Variants in GALNT18 observed in about 807,000 individuals in gnomAD.
GALNT18 encodes the protein polypeptide N-acetylgalactosaminyltransferase 18.
GALNT18 carries 44 observed loss-of-function variants against 69.5 expected under a neutral mutation model. That is an observed-to-expected ratio of 0.63 (90% confidence interval 0.50 to 0.81). The LOEUF is 0.81. Ranked by LOEUF, GALNT18 falls within the 40% of genes least tolerant of loss-of-function variation. The pLI is 0.00. For missense variants in GALNT18, 715 were observed against 810.0 expected, an observed-to-expected ratio of 0.88 and a Z score of 1.42; for synonymous variants, 364 against 318.2, an observed-to-expected ratio of 1.14 and a Z score of -1.53.
At chr11:11,593,709 G>A (rs1859418431) in intron 1 of GALNT18, among the ~76,000 whole-genome samples, 2 of 152,176 alleles carry the variant, frequency 1.3e-5, no homozygotes, top group South Asian at 4.1e-4. Flanking sequence ...CAGGAGAATG[G>A]CTTGAGGCCA....
In GALNT18 at chr11:11,311,406, T is replaced by A. The variant is rs1044908067; in HGVS notation, c.1512+15680A>T. Reference sequence around the variant, plus strand: ...CTGGCTTGCTGTTCATATCCTGGACTCTCCTGGGTGTGGTTTTGCAAGACC... The same window carrying A: ...CTGGCTTGCTGTTCATATCCTGGACACTCCTGGGTGTGGTTTTGCAAGACC... On this transcript the variant is annotated intron_variant, in intron 9 of 10. Transcript: ENST00000227756. Among the ~76,000 whole-genome samples the A allele has an allele frequency of 3.9e-5, 6 of 152,192 alleles. No homozygotes were observed. The East Asian group carries it at 1.2e-3, about 29-fold the overall frequency.
At chr11:11,440,571 C>T (rs1311698952) in intron 2 of GALNT18, among the ~76,000 whole-genome samples, 1 of 152,198 alleles carries the variant, frequency 6.6e-6, no homozygotes, top group Non-Finnish European at 1.5e-5. Context: ...CTCTGACGCC[C>T]AGAATTCTGG....
chr11:11,298,788 A>C (rs1433814030), intron 9 of GALNT18, among the ~76,000 whole-genome samples: 1 of 152,226 alleles, frequency 6.6e-6, no homozygotes, highest in South Asian at 2.1e-4. Context: ...TTCTTTGAAC[A>C]ACAGGTTATG....
At position 11,415,620 on chromosome 11, in the gene GALNT18, T is replaced by C. The variant is rs926676656; in HGVS notation, c.595+17001A>G. ...GGCCACCATCTTGCAGTGAGAACTT[T>C]GGTGACTCAGCTCCTATGGTTCTCA... On this transcript the variant is annotated intron_variant, in intron 3 of 10. Coordinates refer to ENST00000227756, the MANE Select transcript of GALNT18 (RefSeq NM_198516.3). The surrounding 1 kb of genome is among the most constrained non-coding windows in gnomAD (Gnocchi z 4.1). 6.6e-6 allele frequency among the ~76,000 whole-genome samples: 1 copy of C among 152,154 alleles called. No individual in the cohort carries two copies. The highest frequency in any genetic ancestry group is 1.5e-5 in the Non-Finnish European group (1 of 68,034).
intron 3 of GALNT18, among the ~76,000 whole-genome samples, chr11:11,386,896 A>C (rs888273137): frequency 1.3e-5 from 2 of 152,166 alleles, no homozygotes; most frequent in Non-Finnish European, 2.9e-5. Flanking sequence ...AGCTTGTTGA[A>C]ATCGCAGGCT....
intron 1 of GALNT18, among the ~76,000 whole-genome samples, chr11:11,534,146 C>T (rs1857720402): frequency 1.3e-5 from 2 of 152,202 alleles, no homozygotes; most frequent in South Asian, 4.1e-4. Context: ...ACTAGGGCAA[C>T]CAGACTTTGG....
intron 1 of GALNT18, among the ~76,000 whole-genome samples, chr11:11,525,632 CTTTTTT>C (rs33938067): frequency 5.9e-5 from 7 of 118,658 alleles, no homozygotes; most frequent in African/African-American, 9.7e-5. Context: ...GTGCATATTA[CTTTTTT>C]TTTTTTTTTT....
rs146707585 is a variant in GALNT18, at chr11:11,614,628, G to A, written c.235+6731C>T. Among the ~76,000 whole-genome samples, 15 of 152,262 alleles carry A rather than the reference G, an allele frequency of 9.9e-5. No homozygotes were observed. In the South Asian group the frequency reaches 2.9e-3, roughly 30 times the overall value. On this transcript the variant is annotated intron_variant, in intron 1 of 10. Transcript: ENST00000227756. The surrounding 1 kb of genome is among the most constrained non-coding windows in gnomAD (Gnocchi z 5.6). Reference sequence around the variant, plus strand: ...TGAAGTGAGGTCAGAAATCCTATACGATGGTAATGAAGACGCTCCAGTAAC... The same window carrying A: ...TGAAGTGAGGTCAGAAATCCTATACAATGGTAATGAAGACGCTCCAGTAAC...
chr11:11,342,103 G>T (rs1026176581), intron 6 of GALNT18, among the ~76,000 whole-genome samples: 2 of 151,976 alleles, frequency 1.3e-5, no homozygotes, highest in Non-Finnish European at 2.9e-5. Flanking sequence ...CTGCTTATAG[G>T]TCAGCCTCAC....
At chr11:11,579,816 C>G (rs1422256400) in intron 1 of GALNT18, among the ~76,000 whole-genome samples, 1 of 152,226 alleles carries the variant, frequency 6.6e-6, no homozygotes, top group Non-Finnish European at 1.5e-5. Context: ...CACATTTTCA[C>G]TCTGTTTCAG....
chr11:11,307,607 G>A (rs964131462), intron 9 of GALNT18, among the ~76,000 whole-genome samples: 1 of 152,136 alleles, frequency 6.6e-6, no homozygotes, highest in African/African-American at 2.4e-5. Flanking sequence ...TCTTCAAGAG[G>A]AAAGAAGGAA....
chr11:11,384,225 C>A (rs2133700819), intron 3 of GALNT18, among the ~76,000 whole-genome samples: 1 of 152,222 alleles, frequency 6.6e-6, no homozygotes, highest in East Asian at 1.9e-4. Context: ...GGTAGGGCCT[C>A]TGGGAGATTA....
intron 1 of GALNT18, among the ~76,000 whole-genome samples, chr11:11,518,795 G>A (rs7121643): frequency 0.26 from 38,801 of 152,150 alleles, 5,763 homozygotes; most frequent in South Asian, 0.38. Context: ...AGATGGGGAG[G>A]GAGCACTGGA....
intron 6 of GALNT18, among the ~76,000 whole-genome samples, chr11:11,354,972 CTAAATATAGCTTGAATT>C (rs1219227185): frequency 6.6e-6 from 1 of 152,130 alleles, no homozygotes; most frequent in African/African-American, 2.4e-5. Context: ...GTTCTACCTC[CTAAATATAGCTTGAATT>C]TAATCACTTC....
rs894715476 is a variant in GALNT18, at chr11:11,619,168, T to C, written c.235+2191A>G. Among the ~76,000 whole-genome samples the C allele has an allele frequency of 6.6e-6, 1 of 152,152 alleles. No individual in the cohort carries two copies. On this transcript the variant is annotated intron_variant, in intron 1 of 10. Transcript: ENST00000227756. This position sits in a 1 kb window ranked among gnomAD's most constrained non-coding sequence, Gnocchi z 4.9. ...CTGCCTCATTTCCAGTCTTTCCAAG[T>C]CACTGACCCTTCCCTACCTTCCTAT...
rs1859607721 is a variant in GALNT18 at position 11,600,555 on chromosome 11, G to A, written c.235+20804C>T. Among the ~76,000 whole-genome samples the A allele has an allele frequency of 6.6e-6, 1 of 151,944 alleles. No individual in the cohort carries two copies. The highest frequency in any genetic ancestry group is 1.5e-5 in the Non-Finnish European group (1 of 67,942). ...CTTGTAGGTGATAAGTGGTCTTTCT[G>A]TTACTGCTTCCAAGATTTTCTCTCT... On this transcript the variant is annotated intron_variant, in intron 1 of 10. Transcript: ENST00000227756. The surrounding 1 kb of genome is among the most constrained non-coding windows in gnomAD (Gnocchi z 4.8).
At chr11:11,367,178 G>A (rs139349933) in intron 6 of GALNT18, among the ~76,000 whole-genome samples, 1 of 152,228 alleles carries the variant, frequency 6.6e-6, no homozygotes, top group Non-Finnish European at 1.5e-5. Flanking sequence ...CTTGTGATGA[G>A]GCTTAGAAGA....
chr11:11,384,651 C>G (rs1220188836), intron 3 of GALNT18, among the ~76,000 whole-genome samples: 1 of 152,172 alleles, frequency 6.6e-6, no homozygotes, highest in Non-Finnish European at 1.5e-5. Context: ...CCAGAGAGTG[C>G]TCTTTTCCTC....
intron 3 of GALNT18, among the ~76,000 whole-genome samples, chr11:11,427,512 T>C (rs1429055806): frequency 1.3e-5 from 2 of 152,196 alleles, no homozygotes; most frequent in Non-Finnish European, 2.9e-5. Flanking sequence ...CTGAGTAATT[T>C]AGAGTTTTAA....
Sources: allele counts gnomAD v4.1 joint callset (sites outside exome capture counted in the v4.1 genomes callset), GRCh38; gene constraint gnomAD v4.1.1; non-coding constraint Gnocchi (gnomAD v3.1); transcripts MANE v1.5; gene names NCBI Gene and HGNC (gene_info 2026-07-23, HGNC 2026-07-21).